Variants in CHCHD3 observed in about 807,000 individuals in gnomAD.
CHCHD3 encodes coiled-coil-helix-coiled-coil-helix domain containing 3, also known as MICOS complex subunit MIC19.
Under a neutral mutation model 38.2 loss-of-function variants are expected in CHCHD3, and 20 were observed. That is an observed-to-expected ratio of 0.52 (90% CI 0.37 to 0.76). The LOEUF (loss-of-function observed/expected upper bound fraction) is 0.76. CHCHD3 is among the 30% of genes least tolerant of loss of function. The pLI is 0.00. For missense variants in CHCHD3, 245 were observed against 279.2 expected (o/e 0.88, Z 0.87); for synonymous variants, 82 against 100.0 (o/e 0.82, Z 1.07).
In CHCHD3 at chr7:132,889,124, G is replaced by A. The variant is rs564956685; in HGVS notation, c.370-3379C>T. Among the ~76,000 whole-genome samples, 7 of 152,036 alleles carry A rather than the reference G, an allele frequency of 4.6e-5. No homozygotes were observed. In the South Asian group the frequency reaches 1.2e-3, roughly 27 times the overall value. On this transcript the variant is annotated intron_variant, in intron 4 of 7. Transcript: ENST00000262570. Reference sequence around the variant, plus strand: ...TAGCACTGAGGGCATCTAAAAGAGTGAACCTATTAAATAATTATATTAACA... The same window carrying A: ...TAGCACTGAGGGCATCTAAAAGAGTAAACCTATTAAATAATTATATTAACA...
At chr7:132,892,497 T>C (rs1809386783) in intron 4 of CHCHD3, among the ~76,000 whole-genome samples, 1 of 152,178 alleles carries the variant, frequency 6.6e-6, no homozygotes, top group African/African-American at 2.4e-5. Context: ...AACCTATTTT[T>C]CTGGGGAGAA....
chr7:132,873,548 G>C (rs1194794921), intron 5 of CHCHD3, among the ~76,000 whole-genome samples: 1 of 151,770 alleles, frequency 6.6e-6, no homozygotes, highest in Non-Finnish European at 1.5e-5. Context: ...CGAATAGCTG[G>C]GACTACAGGC....
chr7:133,063,547 C>A (rs1463696989), intron 2 of CHCHD3, among the ~76,000 whole-genome samples: 1 of 152,046 alleles, frequency 6.6e-6, no homozygotes, highest in South Asian at 2.1e-4. Flanking sequence ...TACGGACAAA[C>A]AAAAATGCTT....
chr7:132,984,053 G>C (rs1199479292), intron 3 of CHCHD3, among the ~76,000 whole-genome samples: 53 of 140,516 alleles, frequency 3.8e-4, no homozygotes, highest in Non-Finnish European at 5.1e-4. Context: ...TCTCCCCATG[G>C]TCTCCCTCTC....
chr7:133,082,013 T>G lies in CHCHD3; in HGVS notation c.-76A>C. On this transcript the variant is annotated 5_prime_UTR_variant, in exon 1 of 8. Coordinates refer to ENST00000262570, the MANE Select transcript of CHCHD3 (RefSeq NM_017812.4). The stretch of plus-strand genomic sequence containing the variant: ...CGGGGCCCCCGCACCCACACGCGCG[T>G]GGAAGGGCCTGGATTCTTTTCCCGC... 3.2e-6 allele frequency: 4 copies of G among 1,260,236 alleles called. No homozygotes were observed. The highest frequency in any genetic ancestry group is 4.3e-6 in the Non-Finnish European group (4 of 919,966). The allele number at this position is 1,260,236 out of a possible 1,614,324, so 78.1% of individuals were successfully genotyped here. A position where few individuals can be genotyped will look rare whatever the true frequency, so the allele number is the denominator to read the frequency against.
intron 5 of CHCHD3, among the ~76,000 whole-genome samples, chr7:132,877,296 T>C (rs1427722078): frequency 6.6e-6 from 1 of 152,182 alleles, no homozygotes. Flanking sequence ...TGAGGATTTG[T>C]TGAATAATGA....
At chr7:132,900,914 CG>C (rs1809649993) in intron 4 of CHCHD3, among the ~76,000 whole-genome samples, 2 of 152,062 alleles carry the variant, frequency 1.3e-5, no homozygotes, top group Non-Finnish European at 2.9e-5. Flanking sequence ...TTGCTTGAAC[CG>C]GGGAGGCGGA....
intron 5 of CHCHD3, among the ~76,000 whole-genome samples, chr7:132,860,316 A>AG (rs1554377218): frequency 0.045 from 6,050 of 134,658 alleles, 138 homozygotes; most frequent in Non-Finnish European, 0.061. Flanking sequence ...GAGAGAGAGA[A>AG]AGAGAGAGAG....
intron 4 of CHCHD3, among the ~76,000 whole-genome samples, chr7:132,903,185 T>C (rs748912087): frequency 6.0e-4 from 91 of 152,206 alleles, no homozygotes; most frequent in Non-Finnish European, 1.1e-3. Flanking sequence ...TAAAATGGCA[T>C]AGTATTTGCA....
In CHCHD3 at chr7:132,914,123, CGTGTGTGT is replaced by C. The variant is rs200561468; in HGVS notation, c.370-28386_370-28379del. On this transcript the variant is annotated intron_variant, in intron 4 of 7. Transcript: ENST00000262570. ...TACAGATGCCCACCACCATGCCTGG[CGTGTGTGT>C]GTGTGTGTGTGTGTGTGTGTGTGTG... 3.0e-3 allele frequency among the ~76,000 whole-genome samples: 395 copies of C among 132,280 alleles called. 9 individuals carry two copies. The South Asian group carries it at 0.047, about 16-fold the overall frequency. 86.8% of individuals were successfully genotyped at this position (132,280 alleles called of 152,430 possible).
intron 2 of CHCHD3, chr7:133,051,875 G>T (rs372142594): frequency 8.5e-5 from 13 of 152,206 alleles, no homozygotes; most frequent in East Asian, 7.7e-4. Flanking sequence ...AATGAAAATG[G>T]TTCTTATCTA....
intron 3 of CHCHD3, among the ~76,000 whole-genome samples, chr7:132,977,458 A>G (rs1811796590): frequency 6.6e-6 from 1 of 152,354 alleles, no homozygotes; most frequent in Non-Finnish European, 1.5e-5. Flanking sequence ...CCATGAGAAT[A>G]TTGTGCAAAT....
chr7:132,906,492 A>C (rs1809808117), intron 4 of CHCHD3, among the ~76,000 whole-genome samples: 1 of 152,210 alleles, frequency 6.6e-6, no homozygotes, highest in Non-Finnish European at 1.5e-5. Context: ...TTTTCTAAAA[A>C]GTTCTAAGAA....
intron 5 of CHCHD3, among the ~76,000 whole-genome samples, chr7:132,884,369 T>C (rs1809152067): frequency 6.6e-6 from 1 of 152,114 alleles, no homozygotes; most frequent in Non-Finnish European, 1.5e-5. Context: ...TGCCATACAA[T>C]ATGTATTCTG....
chr7:132,786,817 A>G (rs1167747195), intron 7 of CHCHD3, among the ~76,000 whole-genome samples: 1 of 152,256 alleles, frequency 6.6e-6, no homozygotes, highest in Non-Finnish European at 1.5e-5. Context: ...TTTGCTAAAT[A>G]CATGCTAAAA....
intron 4 of CHCHD3, among the ~76,000 whole-genome samples, chr7:132,897,966 G>C (rs1170145557): frequency 1.3e-5 from 2 of 152,120 alleles, no homozygotes; most frequent in Non-Finnish European, 2.9e-5. Context: ...TCTTCCTTCT[G>C]GCGGGTTCGT....
At chr7:132,817,361 G>A (rs932662588) in intron 6 of CHCHD3, among the ~76,000 whole-genome samples, 1 of 151,898 alleles carries the variant, frequency 6.6e-6, no homozygotes, top group East Asian at 1.9e-4. Context: ...GATTTCAAAG[G>A]GAAGGAAAGT....
chr7:132,901,115 A>G (rs1274605660), intron 4 of CHCHD3, among the ~76,000 whole-genome samples: 1 of 152,254 alleles, frequency 6.6e-6, no homozygotes, highest in Non-Finnish European at 1.5e-5. Flanking sequence ...ACAACAGAAC[A>G]CTCAGCCCTT....
At chr7:132,961,978 C>CT (rs1194643048) in intron 4 of CHCHD3, among the ~76,000 whole-genome samples, 3 of 152,200 alleles carry the variant, frequency 2.0e-5, no homozygotes, top group Non-Finnish European at 4.4e-5. Flanking sequence ...TAACAAAGCT[C>CT]TGAGTCTTCA....
Sources: allele counts gnomAD v4.1 joint callset (sites outside exome capture counted in the v4.1 genomes callset), GRCh38; gene constraint gnomAD v4.1.1; transcripts MANE v1.5; gene names NCBI Gene and HGNC (gene_info 2026-07-23, HGNC 2026-07-21).